Variants in MTA1 observed in about 807,000 individuals in gnomAD.
MTA1 encodes the protein metastasis-associated protein MTA1.
Under a neutral mutation model 97.0 loss-of-function variants are expected in MTA1, and 15 were observed. That is an observed-to-expected ratio of 0.15 (90% confidence interval 0.10 to 0.24). MTA1 has a LOEUF of 0.24. Among genes scored for constraint, MTA1 ranks in the 10% least tolerant of loss-of-function variants. The probability of loss-of-function intolerance (pLI) is 1.00; values close to 1 mark genes in which losing one functional copy is unlikely to be tolerated. For synonymous variants in MTA1, 435 were observed against 417.5 expected (o/e 1.04, Z -0.51); for missense variants, 709 against 1,015.1 (o/e 0.70, Z 4.10).
At chr14:105,447,846 G>A (rs990682628) in intron 3 of MTA1, among the ~76,000 whole-genome samples, 5 of 152,162 alleles carry the variant, frequency 3.3e-5, no homozygotes, top group Non-Finnish European at 7.4e-5. Flanking sequence ...GTCAATCTCC[G>A]TTTCTCCTGC....
rs147061970 is a variant in MTA1, at chr14:105,456,143, T to C, written c.550+1833T>C. On this transcript the variant is annotated intron_variant, in intron 7 of 20. Transcript: ENST00000331320. ...ATGCCAGGGTCTCCCAGCCTGGGGC[T>C]GTCTTGCCTTTCTGGCCTGGCCAAA... Among the ~76,000 whole-genome samples, 3 of 152,332 alleles carry C rather than the reference T, an allele frequency of 2.0e-5. No individual in the cohort carries two copies. In the East Asian group the frequency reaches 5.8e-4, roughly 29 times the overall value.
intron 13 of MTA1, 50 bp downstream of exon 13, chr14:105,464,197 G>T (rs587654318): frequency 6.4e-7 from 1 of 1,562,312 alleles, no homozygotes; most frequent in Non-Finnish European, 8.7e-7. Context: ...CCTGTGGGCC[G>T]TGGTGCCTGC....
intron 3 of MTA1, among the ~76,000 whole-genome samples, chr14:105,448,130 C>T (rs587645530): frequency 5.3e-5 from 8 of 152,110 alleles, no homozygotes; most frequent in Non-Finnish European, 7.4e-5. Flanking sequence ...AACGTCCCTC[C>T]TCAGAGGAGG....
chr14:105,421,048 G>C (rs1555420781), intron 1 of MTA1, among the ~76,000 whole-genome samples: 1 of 152,190 alleles, frequency 6.6e-6, no homozygotes, highest in African/African-American at 2.4e-5. Context: ...TGTGTCTCTC[G>C]AGCGTGGCTT....
rs1055966145 is a variant in MTA1 at position 105,470,490 on chromosome 14, T to C, written c.*275T>C. The C allele has an allele frequency of 4.8e-5, 19 of 392,834 alleles. No individual in the cohort carries two copies. The highest frequency in any genetic ancestry group is 8.1e-5 in the Non-Finnish European group (18 of 222,324). The allele number at this position is 392,834 out of a possible 1,614,324, so 24.3% of individuals were successfully genotyped here. On this transcript the variant is annotated 3_prime_UTR_variant, in exon 21 of 21. Coordinates refer to ENST00000331320, the MANE Select transcript of MTA1 (RefSeq NM_004689.4). ...CCCGTGCCCCTGTGCTGCGGGGCCT[T>C]TTGCCCGGAGGCCGGGCCCTAAGGT...
chr14:105,423,215 ATTTTTTT>A (rs1166908446), intron 1 of MTA1, among the ~76,000 whole-genome samples: 29 of 113,560 alleles, frequency 2.6e-4, no homozygotes, highest in African/African-American at 9.1e-4. Flanking sequence ...TTTTTGTTTA[ATTTTTTT>A]TTTTTTTTTT....
At position 105,464,068 on chromosome 14, in the gene MTA1, C is replaced by T. The variant is rs2083465967; in HGVS notation, c.1113C>T (p.Asn371=). The T allele has an allele frequency of 2.5e-6, 4 of 1,612,404 alleles. No homozygotes were observed. In the African/African-American group the frequency reaches 5.3e-5, roughly 22 times the overall value. ...KPNPNQISVN[N]VKAGVVNGTG... ...ATCCGAACCAAATCAGCGTCAACAA[C>T]GTCAAGGCCGGTGTGGTGAACGGCA... Residue 371 remains asparagine, a synonymous_variant, in exon 13 of 21, where the codon AAC becomes AAT. Transcript: ENST00000331320.
rs1567038454 is a variant in MTA1, at chr14:105,460,918, T to C, written c.907T>C (p.Tyr303His). ...ANLFEEALEK[Y>H]GKDFTDIQQD... ...CCTTTTCGAGGAAGCCCTGGAAAAA[T>C]ATGGGAAGGATTTCACGGACATTCA... The change falls in exon 10 of 21, where the codon TAT (tyrosine) becomes CAT (histidine). Residue 303 changes from tyrosine (Y) to histidine (H), a missense_variant. By Grantham distance (83) the Tyr-to-His change is moderately conservative (BLOSUM62 2). This residue lies in a region of MTA1 where 321 missense variants were observed against 593.5 expected (regional missense o/e 0.54). Transcript: ENST00000331320. 3 of 1,612,068 alleles carry C rather than the reference T, an allele frequency of 1.9e-6. No individual in the cohort carries two copies. The highest frequency in any genetic ancestry group is 2.5e-6 in the Non-Finnish European group (3 of 1,179,466).
chr14:105,467,662 C>G (rs1225610843), intron 18 of MTA1: 6 of 363,532 alleles, frequency 1.7e-5, no homozygotes, highest in Middle Eastern at 3.8e-4. Flanking sequence ...GGCCCCAGCC[C>G]CAGCCCTCCT....
In MTA1 at chr14:105,449,403, G is replaced by A. The variant is rs782529226; in HGVS notation, c.235G>A (p.Glu79Lys). The change falls in exon 4 of 21, where the codon GAG becomes AAG. Residue 79 changes from glutamate (E) to lysine (K), a missense_variant. Glu to Lys is a moderately conservative substitution (Grantham distance 56). Transcript: ENST00000331320. ...GGCCGGACCGGGGGCGGACAACGGC[G>A]AGGAAGGTAAGAGCCGGCCTCCGCA... ...YKAGPGADNG[E>K]EGEIEEEMEN... 42 of 1,611,680 alleles carry A rather than the reference G, an allele frequency of 2.6e-5. No homozygotes were observed. Among genetic ancestry groups the A allele is most frequent in the Non-Finnish European group, 2.8e-5 (33 of 1,179,236 alleles).
intron 6 of MTA1, among the ~76,000 whole-genome samples, chr14:105,450,962 G>T (rs964434930): frequency 2.6e-5 from 4 of 152,338 alleles, no homozygotes; most frequent in East Asian, 1.9e-4. Flanking sequence ...TCTGGAGTGT[G>T]TTGGTTCCCT....
At chr14:105,451,263 G>A (rs1798125213) in intron 6 of MTA1, among the ~76,000 whole-genome samples, 1 of 152,204 alleles carries the variant, frequency 6.6e-6, no homozygotes, top group African/African-American at 2.4e-5. Context: ...CTGTGGCCCC[G>A]GTCCCCATTC....
At chr14:105,445,891 T>G in intron 3 of MTA1, 1 of 352,050 alleles carries the variant, frequency 2.8e-6, no homozygotes, top group African/African-American at 2.2e-5. Context: ...TGTCTCTCTC[T>G]TTTTAATTTT....
At position 105,463,651 on chromosome 14, in the gene MTA1, C is replaced by T. The variant is rs1233603621; in HGVS notation, c.1076+100C>T. On this transcript the variant is annotated intron_variant, in intron 12 of 20. Coordinates refer to ENST00000331320, the MANE Select transcript of MTA1 (RefSeq NM_004689.4). The surrounding 1 kb of genome is among the most constrained non-coding windows in gnomAD (Gnocchi z 5.9). ...GGCGGGTCCCAAGGAAACTCAAGCTCAGAGGCTGGGAAAGTTGGGGCAGCC... is the reference window on the plus strand; with the variant it reads ...GGCGGGTCCCAAGGAAACTCAAGCTTAGAGGCTGGGAAAGTTGGGGCAGCC... The T allele has an allele frequency of 5.5e-6, 7 of 1,270,866 alleles. No individual in the cohort carries two copies. Among genetic ancestry groups the T allele is most frequent in the African/African-American group, 1.5e-5 (1 of 67,044 alleles). 78.7% of individuals were successfully genotyped at this position (1,270,866 alleles called of 1,614,324 possible). A position where few individuals can be genotyped will look rare whatever the true frequency, so the allele number is the denominator to read the frequency against.
At chr14:105,459,066 G>T (rs1283830293) in intron 8 of MTA1, among the ~76,000 whole-genome samples, 2 of 146,518 alleles carry the variant, frequency 1.4e-5, no homozygotes, top group African/African-American at 5.1e-5. Context: ...CTGTGTGCCT[G>T]GGGGGAGTCC....
chr14:105,449,785 C>T (rs1474116752), intron 4 of MTA1, among the ~76,000 whole-genome samples: 1 of 152,222 alleles, frequency 6.6e-6, no homozygotes, highest in African/African-American at 2.4e-5. Flanking sequence ...TGTTCTCCCT[C>T]CTCCTTCCAT....
Position 105,450,333 on chromosome 14 carries a change from C to T in MTA1, c.432+9C>T. On this transcript the variant is annotated intron_variant, in intron 6 of 20. Coordinates refer to ENST00000331320, the MANE Select transcript of MTA1 (RefSeq NM_004689.4). Reference sequence around the variant, plus strand: ...CCTACCTGGAGCGGGAGGTGAGGCCCAGCCCGGCCTGGTCTGCCGCAGCCA... The same window carrying T: ...CCTACCTGGAGCGGGAGGTGAGGCCTAGCCCGGCCTGGTCTGCCGCAGCCA... 6.3e-7 allele frequency: 1 copy of T among 1,598,758 alleles called. No individual in the cohort carries two copies. The highest frequency in any genetic ancestry group is 8.6e-7 in the Non-Finnish European group (1 of 1,168,918).
At chr14:105,446,378 C>G (rs2082718342) in intron 3 of MTA1, among the ~76,000 whole-genome samples, 1 of 152,224 alleles carries the variant, frequency 6.6e-6, no homozygotes, top group Admixed American at 6.5e-5. Context: ...GTAGGTGAGG[C>G]ATGTGACTGC....
In MTA1 at chr14:105,420,015, T is replaced by TCCG. The variant is rs1387606386; in HGVS notation, c.-11_-9dup. 3.1e-5 allele frequency: 31 copies of TCCG among 1,016,156 alleles called. No individual in the cohort carries two copies. Among genetic ancestry groups the TCCG allele is most frequent in the Middle Eastern group, 9.3e-4 (2 of 2,144 alleles). 62.9% of individuals were successfully genotyped at this position (1,016,156 alleles called of 1,614,324 possible). On this transcript the variant is annotated 5_prime_UTR_variant, in exon 1 of 21. Transcript: ENST00000331320. This position sits in a 1 kb window ranked among gnomAD's most constrained non-coding sequence, Gnocchi z 5.3. ...GAGCGCCGCGCCCGCCCCGGGCCCC[T>TCCG]CCGCCGCCGCCGGCCCGGACATGGC...
Sources: allele counts gnomAD v4.1 joint callset (sites outside exome capture counted in the v4.1 genomes callset), GRCh38; gene constraint gnomAD v4.1.1; regional missense constraint gnomAD v4.1.1; non-coding constraint Gnocchi (gnomAD v3.1); transcripts MANE v1.5; gene names NCBI Gene and HGNC (gene_info 2026-07-23, HGNC 2026-07-21).